The following SLC25A27 variants were observed in gnomAD, a reference collection of about 807,000 sequenced individuals.
SLC25A27 encodes mitochondrial uncoupling protein 4.
In SLC25A27, 35 loss-of-function variants were observed where a neutral mutation model predicts 49.1. The ratio of observed to expected loss-of-function variants is 0.71; its 90% CI spans 0.54 to 0.95. SLC25A27 has a LOEUF of 0.95. Ranked by LOEUF, SLC25A27 falls within the 40% of genes least tolerant of loss-of-function variation. SLC25A27 has a pLI of 0.00. For synonymous variants in SLC25A27, 144 were observed against 136.9 expected (o/e 1.05, Z -0.36); for missense variants, 339 against 397.1 (o/e 0.85, Z 1.24).
At chr6:46,662,825 G>T (rs1763203323) in intron 4 of SLC25A27, among the ~76,000 whole-genome samples, 2 of 152,142 alleles carry the variant, frequency 1.3e-5, no homozygotes, top group Non-Finnish European at 2.9e-5. Flanking sequence ...TGCCACTGTG[G>T]CTTGGTGTTG....
intron 2 of SLC25A27, among the ~76,000 whole-genome samples, chr6:46,658,060 A>G (rs1763044071): frequency 6.6e-6 from 1 of 152,204 alleles, no homozygotes; most frequent in Non-Finnish European, 1.5e-5. Context: ...TTCTCCTCAT[A>G]ATGTTTCCTG....
At chr6:46,671,429 A>C (rs1387041013) in intron 8 of SLC25A27, among the ~76,000 whole-genome samples, 1 of 152,106 alleles carries the variant, frequency 6.6e-6, no homozygotes, top group Non-Finnish European at 1.5e-5. Flanking sequence ...GAGTAAGGTA[A>C]AATAAGTTAC....
At chr6:46,673,120 G>A (rs1763617637) in intron 8 of SLC25A27, among the ~76,000 whole-genome samples, 1 of 152,174 alleles carries the variant, frequency 6.6e-6, no homozygotes, top group African/African-American at 2.4e-5. Context: ...TTGCACTGGA[G>A]GAGCTTACAA....
chr6:46,669,258 G>GA (rs997217667), intron 6 of SLC25A27, among the ~76,000 whole-genome samples: 3 of 152,048 alleles, frequency 2.0e-5, no homozygotes, highest in Non-Finnish European at 4.4e-5. Flanking sequence ...TCAGGGGAAG[G>GA]AAAAAACATA....
intron 3 of SLC25A27, among the ~76,000 whole-genome samples, chr6:46,661,826 G>A (rs1209438517): frequency 3.9e-5 from 6 of 152,162 alleles, no homozygotes; most frequent in African/African-American, 1.2e-4. Context: ...CAGTGAATTC[G>A]TTATTATCTC....
At chr6:46,676,361 A>C in intron 8 of SLC25A27, 22 bp from the exon 9 acceptor site, 1 of 1,610,862 alleles carries the variant, frequency 6.2e-7, no homozygotes, top group African/African-American at 1.3e-5. Flanking sequence ...ATATGCACTA[A>C]CTTCTTTGGT....
chr6:46,661,556 A>G (rs1763164701), intron 3 of SLC25A27, among the ~76,000 whole-genome samples: 1 of 152,252 alleles, frequency 6.6e-6, no homozygotes, highest in Admixed American at 6.5e-5. Flanking sequence ...TTACAAAGGA[A>G]CATTTATACA....
Position 46,660,098 on chromosome 6 carries a change from G to A in SLC25A27, c.383+1052G>A, listed in dbSNP as rs908565522. On this transcript the variant is annotated intron_variant, in intron 3 of 8. Transcript: ENST00000371347. ...AGTGGAGATTTTGGAATGTGACTTA[G>A]AAGATCTGCAATATCTGGCCTGTGT... Among the ~76,000 whole-genome samples the A allele has an allele frequency of 3.9e-5, 6 of 152,042 alleles. No individual in the cohort carries two copies. In the South Asian group the frequency reaches 6.2e-4, roughly 16 times the overall value.
rs1346552527 is a variant in SLC25A27, at chr6:46,678,031, TA to T, written c.*1578del. On this transcript the variant is annotated 3_prime_UTR_variant, in exon 9 of 9. Transcript: ENST00000371347. Reference sequence around the variant, plus strand: ...AATATGTAATTGCGTTGTAAAATATTATATATATATATATATATATATATAT... The same window carrying T: ...AATATGTAATTGCGTTGTAAAATATTTATATATATATATATATATATATAT... 410 of 8,990 alleles carry T rather than the reference TA, an allele frequency of 0.046. 13 individuals are homozygous for T. Among genetic ancestry groups the T allele is most frequent in the African/African-American group, 0.13 (387 of 3,012 alleles). The allele number at this position is 8,990 out of a possible 1,614,324, so 0.6% of individuals were successfully genotyped here.
chr6:46,653,893 A>G, intron 1 of SLC25A27: 1 of 970,070 alleles, frequency 1.0e-6, no homozygotes, highest in Non-Finnish European at 1.2e-6. Flanking sequence ...TAATTCCTAC[A>G]ATACCAGGGA....
chr6:46,666,618 A>G lies in SLC25A27; in HGVS notation c.619+1732A>G, dbSNP rs114668195. Among the ~76,000 whole-genome samples the G allele has an allele frequency of 9.1e-3, 1,387 of 152,218 alleles. 20 individuals are homozygous for G. The highest frequency in any genetic ancestry group is 0.031 in the African/African-American group (1,287 of 41,532). On this transcript the variant is annotated intron_variant, in intron 5 of 8. Coordinates refer to ENST00000371347, the MANE Select transcript of SLC25A27 (RefSeq NM_004277.5). ...TTCTTAATTCATTGGTTCAAAATCT[A>G]TTGTAGCCAAAATTTCTCTTCCAAG...
At chr6:46,663,496 A>G (rs764664913) in intron 4 of SLC25A27, among the ~76,000 whole-genome samples, 3 of 152,196 alleles carry the variant, frequency 2.0e-5, no homozygotes, top group Admixed American at 6.5e-5. Flanking sequence ...ATAGAACCCC[A>G]GGGCCCAGTT....
intron 8 of SLC25A27, among the ~76,000 whole-genome samples, chr6:46,674,959 T>C (rs541310825): frequency 6.6e-6 from 1 of 152,290 alleles, no homozygotes; most frequent in Admixed American, 6.5e-5. Context: ...AGAAACAATA[T>C]GGGTTCATAT....
chr6:46,657,149 A>G, intron 2 of SLC25A27, among the ~76,000 whole-genome samples: 1 of 152,082 alleles, frequency 6.6e-6, no homozygotes, highest in Admixed American at 6.6e-5. Context: ...CTGGGTAACA[A>G]AACAAGACCC....
At chr6:46,670,350 C>A in intron 7 of SLC25A27, 123 bp downstream of exon 7, 1 of 689,932 alleles carries the variant, frequency 1.4e-6, no homozygotes, top group Non-Finnish European at 2.4e-6. Context: ...GAAAATTGAG[C>A]GCATTTTTTT....
intron 5 of SLC25A27, among the ~76,000 whole-genome samples, chr6:46,668,136 G>A (rs762697336): frequency 1.7e-4 from 26 of 152,124 alleles, no homozygotes; most frequent in African/African-American, 2.9e-4. Flanking sequence ...CTTGAGCTCC[G>A]GAGTTGGAGA....
intron 8 of SLC25A27, among the ~76,000 whole-genome samples, chr6:46,674,231 A>G (rs533502676): frequency 6.6e-6 from 1 of 152,342 alleles, no homozygotes; most frequent in East Asian, 1.9e-4. Context: ...AAAGCTCTAC[A>G]TACATTACTT....
At chr6:46,656,876 A>G (rs1372291987) in intron 2 of SLC25A27, among the ~76,000 whole-genome samples, 1 of 152,226 alleles carries the variant, frequency 6.6e-6, no homozygotes, top group Non-Finnish European at 1.5e-5. Context: ...GCAAAAAACA[A>G]TGAAGCAAGC....
intron 1 of SLC25A27, chr6:46,654,245 C>T (rs1389181753): frequency 4.9e-6 from 2 of 409,960 alleles, no homozygotes; most frequent in South Asian, 1.0e-4. Flanking sequence ...AGTTCTGATG[C>T]GTTATCATTT....
Sources: gnomAD v4.1 joint callset for allele counts (sites outside exome capture counted in the v4.1 genomes callset) on GRCh38, gnomAD v4.1.1 for gene constraint, MANE v1.5 for transcripts, NCBI Gene and HGNC (gene_info 2026-07-23, HGNC 2026-07-21) for gene names.